The following CEP290 variants were observed in gnomAD, a reference collection of about 807,000 sequenced individuals.
CEP290 encodes the protein centrosomal protein 290.
CEP290 carries 317 observed loss-of-function variants against 344.9 expected under a neutral mutation model. The observed-to-expected ratio is 0.92, with a 90% CI of 0.84 to 1.01. CEP290 has a LOEUF of 1.01. Ranked by LOEUF, CEP290 falls within the 50% of genes least tolerant of loss-of-function variation. The pLI is 0.00. For missense variants in CEP290, 2,754 were observed against 2,761.4 expected, an observed-to-expected ratio of 1.00 and a Z score of 0.06; for synonymous variants, 932 against 895.8, an observed-to-expected ratio of 1.04 and a Z score of -0.72.
intron 5 of CEP290, among the ~76,000 whole-genome samples, chr12:88,137,130 A>G (rs1056938332): frequency 1.3e-5 from 2 of 151,786 alleles, no homozygotes; most frequent in African/African-American, 4.8e-5. Flanking sequence ...CAGAATCTCC[A>G]CCCCAGTCAG....
chr12:88,063,912 A>T, intron 45 of CEP290, 69 bp downstream of exon 45: 1 of 1,325,928 alleles, frequency 7.5e-7, no homozygotes, highest in South Asian at 1.5e-5. Context: ...TAAGCTAATA[A>T]AAGTAAACAT....
chr12:88,096,070 C>T lies in CEP290; in HGVS notation c.3103+818G>A, dbSNP rs551280216. On this transcript the variant is annotated intron_variant, in intron 27 of 53. Transcript: ENST00000552810. ...AACAAATTTTTTTTTTTTTTTGAGA[C>T]GGAGTCTCACTCTTATCGCCTAGGC... Among the ~76,000 whole-genome samples, 5 of 149,576 alleles carry T rather than the reference C, an allele frequency of 3.3e-5. No individual in the cohort carries two copies. The South Asian group carries it at 6.3e-4, about 19-fold the overall frequency.
At chr12:88,115,810 G>A (rs2039004629) in intron 18 of CEP290, 5 of 984,184 alleles carry the variant, frequency 5.1e-6, no homozygotes, top group Non-Finnish European at 6.0e-6. Flanking sequence ...TGTTCTATAA[G>A]ATTTTCAAGA....
At chr12:88,084,905 T>C in intron 34 of CEP290, 53 bp from the exon 35 acceptor site, 1 of 1,354,312 alleles carries the variant, frequency 7.4e-7, no homozygotes, top group Non-Finnish European at 9.8e-7. Context: ...CCCTTTAAAA[T>C]GCTTCATCTG....
At chr12:88,098,580 C>T (rs778814153) in intron 26 of CEP290, among the ~76,000 whole-genome samples, 1 of 151,296 alleles carries the variant, frequency 6.6e-6, no homozygotes, top group African/African-American at 2.4e-5. Context: ...CAACTGCACT[C>T]GAGCCTGGGC....
intron 31 of CEP290, 80 bp downstream of exon 31, chr12:88,088,952 G>A (rs2036801455): frequency 2.9e-6 from 3 of 1,026,716 alleles, no homozygotes; most frequent in Admixed American, 6.2e-5. Context: ...TTCCAGCTAT[G>A]TTTGCACCAC....
chr12:88,129,114 TTATA>T (rs903657248), intron 10 of CEP290, 79 bp from the exon 11 acceptor site: 5 of 659,220 alleles, frequency 7.6e-6, no homozygotes, highest in South Asian at 2.8e-5. Flanking sequence ...TACATATACA[TTATA>T]TATATAAATA....
intron 25 of CEP290, among the ~76,000 whole-genome samples, chr12:88,105,914 AAAAC>A (rs1254030052): frequency 2.0e-5 from 3 of 152,168 alleles, no homozygotes; most frequent in South Asian, 4.2e-4. Context: ...AAGCTAATTA[AAAAC>A]AAACAAACAA....
intron 20 of CEP290, 148 bp downstream of exon 20, chr12:88,114,272 A>C: frequency 1.8e-6 from 1 of 561,518 alleles, no homozygotes; most frequent in Non-Finnish European, 2.9e-6. Context: ...TATTGAAAGC[A>C]GCTCAAGAAA....
At chr12:88,103,662 C>G (rs2038065311) in intron 25 of CEP290, 1 of 151,950 alleles carries the variant, frequency 6.6e-6, no homozygotes, top group Non-Finnish European at 1.5e-5. Context: ...AATAGGCAAA[C>G]ATTACATAGA....
chr12:88,106,787 G>A lies in CEP290; in HGVS notation c.2705C>T (p.Thr902Ile), dbSNP rs376876422. ...AAGTTGTCGCTCCAATTCTACTAAGGTTGTATATTGCCTTATAAGTGATTT... is the reference window on the plus strand; with the variant it reads ...AAGTTGTCGCTCCAATTCTACTAAGATTGTATATTGCCTTATAAGTGATTT... ...NEKSLIRQYT[T>I]LVELERQLRK... is the part of the protein sequence containing the mutation. The change falls in exon 25 of 54, where the codon ACC becomes ATC. Residue 902 changes from threonine (T) to isoleucine (I), a missense_variant. By Grantham distance (89) the Thr-to-Ile change is moderately conservative. Transcript: ENST00000552810. 1.9e-6 allele frequency: 3 copies of A among 1,609,318 alleles called. No individual in the cohort carries two copies. The highest frequency in any genetic ancestry group is 1.3e-5 in the African/African-American group (1 of 74,774).
At chr12:88,104,767 T>C (rs545189510) in intron 25 of CEP290, among the ~76,000 whole-genome samples, 2 of 152,182 alleles carry the variant, frequency 1.3e-5, no homozygotes, top group Non-Finnish European at 2.9e-5. Flanking sequence ...AGCAGTGCTG[T>C]TGTTGTTACT....
At chr12:88,113,662 A>G (rs2038849909) in intron 20 of CEP290, among the ~76,000 whole-genome samples, 1 of 152,064 alleles carries the variant, frequency 6.6e-6, no homozygotes, top group Non-Finnish European at 1.5e-5. Context: ...TTAAATATTA[A>G]CAATCTAAAA....
chr12:88,089,352 G>GC lies in CEP290; in HGVS notation c.3708dup (p.Arg1237AlafsTer7), dbSNP rs758991387. 7.4e-6 allele frequency: 12 copies of GC among 1,613,742 alleles called. No homozygotes were observed. The highest frequency in any genetic ancestry group is 1.1e-5 in the South Asian group (1 of 91,080). On this transcript the variant is annotated frameshift_variant, in exon 31 of 54. Transcript: ENST00000552810. LOFTEE classifies it high-confidence loss of function. ...TTTTCATCAAGTTTCTGCTCTAAGCGCAAGTTGTAGGCCTCCATCTTCTGC... is the reference window on the plus strand; with the variant it reads ...TTTTCATCAAGTTTCTGCTCTAAGCGCCAAGTTGTAGGCCTCCATCTTCTGC...
chr12:88,126,573 G>T, intron 11 of CEP290, 135 bp from the exon 12 acceptor site: 1 of 514,252 alleles, frequency 1.9e-6, no homozygotes, highest in Non-Finnish European at 3.2e-6. Flanking sequence ...GAAAGTATGA[G>T]CAACTACTGG....
chr12:88,111,322 A>T lies in CEP290; in HGVS notation c.2247T>A (p.Leu749=), dbSNP rs762072403. 1 of 1,565,226 alleles carries T rather than the reference A, an allele frequency of 6.4e-7. No homozygotes were observed. Among genetic ancestry groups the T allele is most frequent in the Non-Finnish European group, 8.7e-7 (1 of 1,155,502 alleles). The change falls in exon 22 of 54, where the codon CTT becomes CTA. Residue 749 remains leucine, a synonymous_variant. Coordinates refer to ENST00000552810, the MANE Select transcript of CEP290 (RefSeq NM_025114.4). ...CATTTGATCCTTCTGATTGTCGTAA[A>T]AGACTAGTTTCTTTTTCAAGATGGT... The part of the protein sequence containing the change: ...KIDHLEKETS[L]LRQSEGSNVV...
intron 10 of CEP290, 104 bp from the exon 11 acceptor site, chr12:88,129,139 C>T (rs2039911692): frequency 2.1e-6 from 1 of 468,586 alleles, no homozygotes; most frequent in East Asian, 3.8e-5. Context: ...TATCTACATA[C>T]ACACACATAC....
intron 43 of CEP290, 147 bp from the exon 44 acceptor site, chr12:88,068,792 C>A: frequency 1.3e-6 from 1 of 757,728 alleles, no homozygotes. Flanking sequence ...AACTTTATAA[C>A]AAATAAATTA....
chr12:88,109,875 C>T (rs2038554181), intron 22 of CEP290, among the ~76,000 whole-genome samples: 1 of 152,062 alleles, frequency 6.6e-6, no homozygotes, highest in Non-Finnish European at 1.5e-5. Flanking sequence ...ACGACAATGC[C>T]ATACTACCAA....
Sources: allele counts gnomAD v4.1 joint callset (sites outside exome capture counted in the v4.1 genomes callset), GRCh38; gene constraint gnomAD v4.1.1; transcripts MANE v1.5; gene names NCBI Gene and HGNC (gene_info 2026-07-23, HGNC 2026-07-21).